TBC1D23: variants seen among roughly 807,000 people sequenced by gnomAD.
TBC1D23 encodes HCV non-structural protein 4A-transactivated protein 1.
In TBC1D23, 55 loss-of-function variants were observed where a neutral mutation model predicts 91.4. The observed-to-expected ratio is 0.60, with a 90% CI of 0.48 to 0.75. The LOEUF (loss-of-function observed/expected upper bound fraction) is 0.75, where lower values mean the gene tolerates loss of function less well. Ranked by LOEUF, TBC1D23 falls within the 30% of genes least tolerant of loss-of-function variation. The pLI is 0.00. For missense variants in TBC1D23, 725 were observed against 836.1 expected, an observed-to-expected ratio of 0.87 and a Z score of 1.64; for synonymous variants, 289 against 281.0, an observed-to-expected ratio of 1.03 and a Z score of -0.28.
rs142527168 is a variant in TBC1D23 at position 100,280,228 on chromosome 3, C to CA, written c.165+478dup. 7.0e-3 allele frequency among the ~76,000 whole-genome samples: 947 copies of CA among 135,672 alleles called. 12 individuals carry two copies. Among genetic ancestry groups the CA allele is most frequent in the African/African-American group, 0.021 (784 of 36,738 alleles). 89.0% of individuals were successfully genotyped at this position (135,672 alleles called of 152,430 possible). ...TGAGTGACAAAGTGAGACTCCATCT[C>CA]AAAAAAAAAACAAAAAGAAATGGTG... On this transcript the variant is annotated intron_variant, in intron 2 of 18. Coordinates refer to ENST00000394144, the MANE Select transcript of TBC1D23 (RefSeq NM_001199198.3).
chr3:100,302,553 A>G (rs1705451378), intron 11 of TBC1D23, among the ~76,000 whole-genome samples: 1 of 152,012 alleles, frequency 6.6e-6, no homozygotes, highest in South Asian at 2.1e-4. Context: ...CTATTTCTGG[A>G]TTATTATGTT....
chr3:100,311,804 G>C (rs1247686494), intron 14 of TBC1D23, 29 bp from the exon 15 acceptor site: 1 of 1,503,430 alleles, frequency 6.7e-7, no homozygotes. Context: ...TAATCATTTT[G>C]TTCTGTCCTC....
chr3:100,276,086 TAAA>T (rs71625558), intron 1 of TBC1D23, among the ~76,000 whole-genome samples: 4 of 138,644 alleles, frequency 2.9e-5, no homozygotes, highest in Admixed American at 7.1e-5. Context: ...AGATACTTGT[TAAA>T]AAAAAAAAAA....
rs780152121 is a variant in TBC1D23, at chr3:100,283,737, A to G, written c.402A>G (p.Pro134=). 2.0e-4 allele frequency: 326 copies of G among 1,613,342 alleles called. No homozygotes were observed. Among genetic ancestry groups the G allele is most frequent in the Non-Finnish European group, 2.7e-4 (317 of 1,179,396 alleles). The change falls in exon 4 of 19, where the codon CCA becomes CCG. Residue 134 remains proline, a synonymous_variant. Transcript: ENST00000394144. ...TTAGCTGGATACATCTACTGAAACC[A>G]TTGGTGCATCTTCAACTGCCACGCA... is the stretch of plus-strand genomic sequence containing the variant. The part of the protein sequence containing the change: ...TSLSWIHLLK[P]LVHLQLPRSD...
At chr3:100,296,860 C>CA (rs71625559) in intron 8 of TBC1D23, among the ~76,000 whole-genome samples, 27,998 of 86,518 alleles carry the variant, frequency 0.32, 3,567 homozygotes, top group East Asian at 0.55. Flanking sequence ...GACTCTGTCT[C>CA]AAAAAAAAAA....
At chr3:100,312,849 TCA>T in intron 15 of TBC1D23, among the ~76,000 whole-genome samples, 1 of 152,156 alleles carries the variant, frequency 6.6e-6, no homozygotes, top group Admixed American at 6.5e-5. Context: ...GAATAATACT[TCA>T]CTCTCTAAGA....
At chr3:100,322,377 G>GC (rs1705875275) in intron 18 of TBC1D23, among the ~76,000 whole-genome samples, 1 of 152,154 alleles carries the variant, frequency 6.6e-6, no homozygotes. Flanking sequence ...ACAGGAGTGA[G>GC]CCACCGTGCC....
At chr3:100,267,962 G>A (rs1267157321) in intron 1 of TBC1D23, among the ~76,000 whole-genome samples, 1 of 152,128 alleles carries the variant, frequency 6.6e-6, no homozygotes, top group Non-Finnish European at 1.5e-5. Flanking sequence ...CTTGAGCTCA[G>A]GAGTTCGAGA....
intron 17 of TBC1D23, among the ~76,000 whole-genome samples, chr3:100,319,418 A>G (rs1283239672): frequency 6.7e-6 from 1 of 149,180 alleles, no homozygotes; most frequent in East Asian, 2.1e-4. Context: ...TACATTGAAC[A>G]CCCTTATGAT....
At chr3:100,283,925 G>T in intron 4 of TBC1D23, 114 bp downstream of exon 4, 1 of 608,512 alleles carries the variant, frequency 1.6e-6, no homozygotes, top group Non-Finnish European at 2.9e-6. Flanking sequence ...AAATAATTTT[G>T]AGGATTGTTT....
At chr3:100,277,376 T>C (rs1487322384) in intron 1 of TBC1D23, among the ~76,000 whole-genome samples, 1 of 152,228 alleles carries the variant, frequency 6.6e-6, no homozygotes, top group Non-Finnish European at 1.5e-5. Flanking sequence ...CTACTTAAGG[T>C]GTAGCATTTT....
intron 1 of TBC1D23, among the ~76,000 whole-genome samples, chr3:100,262,505 A>C (rs2067519901): frequency 6.6e-6 from 1 of 152,138 alleles, no homozygotes. Context: ...CGGGCGGATC[A>C]CTTGAAGTCA....
At chr3:100,303,439 CA>C (rs545710271) in intron 11 of TBC1D23, among the ~76,000 whole-genome samples, 73 of 152,068 alleles carry the variant, frequency 4.8e-4, no homozygotes, top group African/African-American at 1.7e-3. Context: ...AATAAGGAAC[CA>C]AACTCATTTC....
At chr3:100,272,619 G>A (rs1048219661) in intron 1 of TBC1D23, among the ~76,000 whole-genome samples, 4 of 151,736 alleles carry the variant, frequency 2.6e-5, no homozygotes, top group Non-Finnish European at 5.9e-5. Context: ...GGGAACCAGC[G>A]TTCAGCATAT....
chr3:100,267,202 C>T (rs959221634), intron 1 of TBC1D23: 2 of 443,902 alleles, frequency 4.5e-6, no homozygotes, highest in Non-Finnish European at 9.0e-6. Flanking sequence ...TGAAAAGGGG[C>T]AGGGCTTGAA....
chr3:100,314,789 T>A (rs1705703634), intron 15 of TBC1D23, among the ~76,000 whole-genome samples: 1 of 152,050 alleles, frequency 6.6e-6, no homozygotes, highest in Non-Finnish European at 1.5e-5. Context: ...AAAATACTAC[T>A]ACTACTACTA....
intron 10 of TBC1D23, among the ~76,000 whole-genome samples, chr3:100,300,023 T>A (rs1705395313): frequency 6.6e-6 from 1 of 152,222 alleles, no homozygotes; most frequent in South Asian, 2.1e-4. Context: ...GTATGAGCCA[T>A]TTTTAATCAT....
At chr3:100,295,029 T>C in intron 5 of TBC1D23, 58 bp from the exon 6 acceptor site, 2 of 1,489,466 alleles carry the variant, frequency 1.3e-6, no homozygotes, top group South Asian at 2.8e-5. Flanking sequence ...TTTAATACTT[T>C]TAAGAGAACA....
chr3:100,316,062 A>T, intron 15 of TBC1D23, 37 bp from the exon 16 acceptor site: 4 of 1,471,664 alleles, frequency 2.7e-6, no homozygotes, highest in Non-Finnish European at 3.8e-6. Context: ...ATAACTTCTT[A>T]AGTGATTATT....
Sources: gnomAD v4.1 joint callset for allele counts (sites outside exome capture counted in the v4.1 genomes callset) on GRCh38, gnomAD v4.1.1 for gene constraint, MANE v1.5 for transcripts, NCBI Gene and HGNC (gene_info 2026-07-23, HGNC 2026-07-21) for gene names.